Variants in RAB39A observed in about 807,000 individuals in gnomAD.
The protein encoded by RAB39A is RAB39A, member RAS oncogene family.
Under a neutral mutation model 20.9 loss-of-function variants are expected in RAB39A, and 17 were observed. The ratio of observed to expected loss-of-function variants is 0.81; its 90% CI spans 0.56 to 1.22. The LOEUF (loss-of-function observed/expected upper bound fraction) is 1.22, where lower values mean the gene tolerates loss of function less well. RAB39A is among the 50% of genes most tolerant of loss of function. The pLI is 0.00. For synonymous variants in RAB39A, 99 were observed against 103.4 expected, an observed-to-expected ratio of 0.96 and a Z score of 0.26; for missense variants, 234 against 270.5, an observed-to-expected ratio of 0.87 and a Z score of 0.95.
intron 1 of RAB39A, among the ~76,000 whole-genome samples, chr11:107,957,798 T>A (rs914255691): frequency 6.6e-6 from 1 of 152,196 alleles, no homozygotes; most frequent in African/African-American, 2.4e-5. Context: ...TTTATTTCTC[T>A]CTTCCTTCCT....
intron 1 of RAB39A, among the ~76,000 whole-genome samples, chr11:107,954,523 C>T (rs1038665765): frequency 1.3e-5 from 2 of 152,026 alleles, no homozygotes; most frequent in African/African-American, 4.8e-5. Context: ...GTCTCTCCAA[C>T]TCTTCCTCTG....
At chr11:107,942,883 A>C (rs1861273699) in intron 1 of RAB39A, among the ~76,000 whole-genome samples, 1 of 152,150 alleles carries the variant, frequency 6.6e-6, no homozygotes, top group Non-Finnish European at 1.5e-5. Context: ...CATACAACTC[A>C]ACTTCCCATC....
At chr11:107,932,422 A>T (rs1040546384) in intron 1 of RAB39A, among the ~76,000 whole-genome samples, 2 of 152,176 alleles carry the variant, frequency 1.3e-5, no homozygotes, top group African/African-American at 2.4e-5. Context: ...CTTCTTCCTT[A>T]ATTTTCTGCC....
At chr11:107,931,739 C>T (rs1180415358) in intron 1 of RAB39A, among the ~76,000 whole-genome samples, 1 of 151,872 alleles carries the variant, frequency 6.6e-6, no homozygotes, top group Admixed American at 6.6e-5. Context: ...TGGATATAAA[C>T]TGACAAAAAG....
rs1861501101 is a variant in RAB39A at position 107,961,993 on chromosome 11, T to C, written c.275T>C (p.Val92Ala). 1 of 1,613,680 alleles carries C rather than the reference T, an allele frequency of 6.2e-7. No individual in the cohort carries two copies. The highest frequency in any genetic ancestry group is 8.5e-7 in the Non-Finnish European group (1 of 1,179,720). The change falls in exon 2 of 2, where the codon GTA becomes GCA. Residue 92 changes from valine to alanine, a missense_variant. Coordinates refer to ENST00000320578, the MANE Select transcript of RAB39A (RefSeq NM_017516.3). ...CGCAACTCAGTTGGTGGATTTTTAG[T>C]ATTTGACATTACTAACCGACGATCT... ...YYRNSVGGFL[V>A]FDITNRRSFE...
chr11:107,960,321 T>G (rs1861483018), intron 1 of RAB39A, among the ~76,000 whole-genome samples: 1 of 152,154 alleles, frequency 6.6e-6, no homozygotes, highest in Non-Finnish European at 1.5e-5. Flanking sequence ...AAAATTAAGA[T>G]AATCATAATG....
At position 107,945,308 on chromosome 11, in the gene RAB39A, C is replaced by G. The variant is rs1383864335; in HGVS notation, c.227+16513C>G. On this transcript the variant is annotated intron_variant, in intron 1 of 1. Transcript: ENST00000320578. ...GGCCAGCCTGGCAACACAGCAAAAC[C>G]CCGTCTCTACAAAAAAAAAAAAAAA... Among the ~76,000 whole-genome samples the G allele has an allele frequency of 9.3e-5, 11 of 117,910 alleles. No homozygotes were observed. In the Admixed American group the frequency reaches 1.1e-3, roughly 12 times the overall value. 77.4% of individuals were successfully genotyped at this position (117,910 alleles called of 152,430 possible). A position where few individuals can be genotyped will look rare whatever the true frequency, so the allele number is the denominator to read the frequency against.
chr11:107,931,272 C>A (rs1861134803), intron 1 of RAB39A, among the ~76,000 whole-genome samples: 2 of 152,162 alleles, frequency 1.3e-5, no homozygotes, highest in South Asian at 4.1e-4. Context: ...AGCCACCGCG[C>A]CTGGCCTAGA....
At chr11:107,940,609 A>G (rs1474020726) in intron 1 of RAB39A, among the ~76,000 whole-genome samples, 1 of 152,146 alleles carries the variant, frequency 6.6e-6, no homozygotes, top group Non-Finnish European at 1.5e-5. Flanking sequence ...ATTTTAATAA[A>G]TCTGCCTCTA....
rs560622636 is a variant in RAB39A at position 107,960,344 on chromosome 11, T to C, written c.228-1602T>C. Among the ~76,000 whole-genome samples, 103 of 152,324 alleles carry C rather than the reference T, an allele frequency of 6.8e-4. 1 individual carries two copies. The Middle Eastern group carries it at 0.02, about 30-fold the overall frequency. On this transcript the variant is annotated intron_variant, in intron 1 of 1. Transcript: ENST00000320578. ...GATAATCATAATGGCAGAATGCCAGTGGTTCAGAGGAACTATAAGAAGAGT... is the reference window on the plus strand; with the variant it reads ...GATAATCATAATGGCAGAATGCCAGCGGTTCAGAGGAACTATAAGAAGAGT...
At chr11:107,943,085 C>G (rs982092756) in intron 1 of RAB39A, among the ~76,000 whole-genome samples, 3 of 152,098 alleles carry the variant, frequency 2.0e-5, no homozygotes, top group African/African-American at 7.2e-5. Flanking sequence ...CACTTAGTAA[C>G]AGTAATGAAC....
chr11:107,949,407 A>G (rs755581000), intron 1 of RAB39A, among the ~76,000 whole-genome samples: 2 of 152,230 alleles, frequency 1.3e-5, no homozygotes, highest in African/African-American at 2.4e-5. Context: ...AAAAAGATTC[A>G]CATCAGTTAC....
intron 1 of RAB39A, among the ~76,000 whole-genome samples, chr11:107,931,038 G>A (rs1861131259): frequency 6.7e-6 from 1 of 149,266 alleles, no homozygotes; most frequent in East Asian, 2.0e-4. Flanking sequence ...GTGCAATGGC[G>A]CGATCTCTGC....
intron 1 of RAB39A, among the ~76,000 whole-genome samples, chr11:107,950,948 T>C (rs1378972821): frequency 6.6e-6 from 1 of 152,038 alleles, no homozygotes; most frequent in Non-Finnish European, 1.5e-5. Context: ...ATCACTATCA[T>C]AAAATGATTA....
At chr11:107,933,578 A>C (rs868610888) in intron 1 of RAB39A, among the ~76,000 whole-genome samples, 36 of 150,956 alleles carry the variant, frequency 2.4e-4, no homozygotes, top group Admixed American at 2.0e-4. Context: ...TGGAGGTTTC[A>C]TCAAGCTGGT....
chr11:107,961,078 G>A (rs1444474098), intron 1 of RAB39A, among the ~76,000 whole-genome samples: 1 of 152,166 alleles, frequency 6.6e-6, no homozygotes, highest in Non-Finnish European at 1.5e-5. Flanking sequence ...TCTTGAATAG[G>A]TGCAACACAA....
Position 107,962,581 on chromosome 11 carries a change from A to G in RAB39A, c.*209A>G. 2.2e-6 allele frequency: 1 copy of G among 453,248 alleles called. No homozygotes were observed. Among genetic ancestry groups the G allele is most frequent in the Non-Finnish European group, 3.8e-6 (1 of 262,390 alleles). 28.1% of individuals were successfully genotyped at this position (453,248 alleles called of 1,614,324 possible). ...TTTGCTAAATTACCAAGCAAAGCAG[A>G]CAATCTTTTTCTTGAAATTACCTCC... is the stretch of plus-strand genomic sequence containing the variant. On this transcript the variant is annotated 3_prime_UTR_variant, in exon 2 of 2. Transcript: ENST00000320578.
At chr11:107,961,148 T>A (rs533998696) in intron 1 of RAB39A, among the ~76,000 whole-genome samples, 1 of 152,208 alleles carries the variant, frequency 6.6e-6, no homozygotes, top group African/African-American at 2.4e-5. Context: ...TGGGCTGTTA[T>A]AACAAATTAC....
At chr11:107,941,853 G>A (rs1056953571) in intron 1 of RAB39A, among the ~76,000 whole-genome samples, 2 of 152,110 alleles carry the variant, frequency 1.3e-5, no homozygotes, top group African/African-American at 4.8e-5. Context: ...AGCACTTTGG[G>A]AGGCTGAGGC....
Sources: gnomAD v4.1 joint callset for allele counts (sites outside exome capture counted in the v4.1 genomes callset) on GRCh38, gnomAD v4.1.1 for gene constraint, MANE v1.5 for transcripts, NCBI Gene and HGNC (gene_info 2026-07-23, HGNC 2026-07-21) for gene names.